Variants in STXBP5L observed in about 807,000 individuals in gnomAD.
The protein encoded by STXBP5L is syntaxin binding protein 5L, also known as syntaxin-binding protein 5-like.
Under a neutral mutation model 144.5 loss-of-function variants are expected in STXBP5L, and 65 were observed. The observed-to-expected ratio is 0.45, with a 90% confidence interval of 0.37 to 0.55. The LOEUF is 0.55. Among genes scored for constraint, STXBP5L ranks in the 20% least tolerant of loss-of-function variants. The pLI, the probability that STXBP5L is intolerant of heterozygous loss-of-function variation, is 0.00. For missense variants in STXBP5L, 1,298 were observed against 1,405.5 expected (o/e 0.92, Z 1.22); for synonymous variants, 505 against 469.6 (o/e 1.08, Z -0.97).
chr3:121,259,199 T>A (rs762728655), intron 18 of STXBP5L, 31 bp downstream of exon 18: 2 of 1,459,434 alleles, frequency 1.4e-6, no homozygotes, highest in Non-Finnish European at 1.8e-6. Context: ...ATGATATGTA[T>A]TATTTAGCTA....
intron 3 of STXBP5L, among the ~76,000 whole-genome samples, chr3:120,959,310 A>G (rs1485393690): frequency 6.6e-6 from 1 of 152,236 alleles, no homozygotes; most frequent in Admixed American, 6.5e-5. Flanking sequence ...CAATGTCTTG[A>G]AACTGGCCAT....
intron 3 of STXBP5L, among the ~76,000 whole-genome samples, chr3:120,998,979 A>C (rs1159369017): frequency 6.6e-6 from 1 of 152,144 alleles, no homozygotes; most frequent in Non-Finnish European, 1.5e-5. Flanking sequence ...TTACTCAAAA[A>C]TCATTGAGGA....
intron 18 of STXBP5L, among the ~76,000 whole-genome samples, chr3:121,266,693 G>A (rs1053088813): frequency 9.2e-5 from 14 of 152,168 alleles, no homozygotes; most frequent in African/African-American, 3.4e-4. Flanking sequence ...AATTGTCTCT[G>A]TTTGCAGATG....
intron 20 of STXBP5L, among the ~76,000 whole-genome samples, chr3:121,378,144 G>A (rs9828736): frequency 0.095 from 14,213 of 149,928 alleles, 956 homozygotes; most frequent in African/African-American, 0.18. Context: ...ACAGGGAGGG[G>A]AACATCACAC....
At position 121,172,349 on chromosome 3, in the gene STXBP5L, T is replaced by A. The variant is rs191163537; in HGVS notation, c.877+14722T>A. ...AATTGACAAATGGGATCTAATTAAA[T>A]AAAAGGGCTTCTGCACATCAAAAGA... On this transcript the variant is annotated intron_variant, in intron 9 of 26. Coordinates refer to ENST00000471454, the MANE Select transcript of STXBP5L (RefSeq NM_001308330.2). Among the ~76,000 whole-genome samples the A allele has an allele frequency of 1.7e-3, 263 of 152,116 alleles. 2 individuals carry two copies. Among genetic ancestry groups the A allele is most frequent in the African/African-American group, 6.2e-3 (259 of 41,504 alleles).
chr3:121,183,791 G>A (rs1369517574), intron 9 of STXBP5L, among the ~76,000 whole-genome samples: 1 of 152,112 alleles, frequency 6.6e-6, no homozygotes, highest in Non-Finnish European at 1.5e-5. Context: ...AGCAGGGGTT[G>A]ACAGACACCT....
At chr3:121,064,748 A>T (rs1195106926) in intron 5 of STXBP5L, among the ~76,000 whole-genome samples, 1 of 152,144 alleles carries the variant, frequency 6.6e-6, no homozygotes, top group Non-Finnish European at 1.5e-5. Context: ...GTCAACTCTT[A>T]TTTTAGACAG....
intron 3 of STXBP5L, among the ~76,000 whole-genome samples, chr3:120,988,191 A>T (rs1942489406): frequency 6.6e-6 from 1 of 150,438 alleles, no homozygotes; most frequent in South Asian, 2.1e-4. Flanking sequence ...TTCTTGAAGT[A>T]GGAACTTAGA....
chr3:121,324,533 T>A, intron 20 of STXBP5L: 1 of 699,138 alleles, frequency 1.4e-6, no homozygotes, highest in South Asian at 1.5e-5. Flanking sequence ...TAGGCTTTTA[T>A]AGGAATGAAA....
At chr3:121,295,174 T>C (rs980385843) in intron 19 of STXBP5L, among the ~76,000 whole-genome samples, 1 of 151,778 alleles carries the variant, frequency 6.6e-6, no homozygotes, top group African/African-American at 2.4e-5. Context: ...AAAAAGAGAT[T>C]GAGGATAAGG....
intron 20 of STXBP5L, among the ~76,000 whole-genome samples, chr3:121,368,063 C>A (rs2045920049): frequency 6.6e-6 from 1 of 151,838 alleles, no homozygotes; most frequent in South Asian, 2.1e-4. Context: ...CAAATATTTT[C>A]TCTGCCCCTT....
chr3:120,909,694 C>G lies in STXBP5L; in HGVS notation c.116C>G (p.Pro39Arg). The change falls in exon 2 of 27, where the codon CCG becomes CGG. Residue 39 changes from proline (P) to arginine (R), a missense_variant. Coordinates refer to ENST00000471454, the MANE Select transcript of STXBP5L (RefSeq NM_001308330.2). ...GGGGCTGGAAGTGGTTCCGTACATC[C>G]GGCGGGGACTGCAGGGGTTCTCAGA... ...GGGAGSGSVH[P>R]AGTAGVLREE... 1 of 1,612,238 alleles carries G rather than the reference C, an allele frequency of 6.2e-7. No individual in the cohort carries two copies. The highest frequency in any genetic ancestry group is 8.5e-7 in the Non-Finnish European group (1 of 1,179,530).
At chr3:121,399,615 T>C (rs2046821163) in intron 22 of STXBP5L, among the ~76,000 whole-genome samples, 2 of 152,216 alleles carry the variant, frequency 1.3e-5, no homozygotes, top group South Asian at 4.1e-4. Context: ...ATTAAAGGAA[T>C]AAGTTGGGCT....
intron 2 of STXBP5L, among the ~76,000 whole-genome samples, chr3:120,951,216 G>A (rs938280999): frequency 6.6e-6 from 1 of 152,090 alleles, no homozygotes; most frequent in Non-Finnish European, 1.5e-5. Context: ...GAAAACCTAG[G>A]CATTACCATT....
intron 20 of STXBP5L, among the ~76,000 whole-genome samples, chr3:121,332,177 G>A (rs1326284668): frequency 1.3e-5 from 2 of 151,298 alleles, no homozygotes; most frequent in Non-Finnish European, 2.9e-5. Context: ...AATAATTTTG[G>A]CAATATGACA....
intron 9 of STXBP5L, among the ~76,000 whole-genome samples, chr3:121,177,215 G>A (rs150559990): frequency 2.0e-5 from 3 of 152,078 alleles, no homozygotes; most frequent in East Asian, 1.9e-4. Context: ...CTGAGCCCAC[G>A]TCATCAACTA....
intron 22 of STXBP5L, among the ~76,000 whole-genome samples, chr3:121,389,545 C>T (rs989577987): frequency 2.6e-5 from 4 of 152,214 alleles, no homozygotes; most frequent in African/African-American, 9.6e-5. Context: ...TCCCTCTACA[C>T]ACTGCTTTAA....
At chr3:121,183,923 G>C (rs1313095234) in intron 9 of STXBP5L, among the ~76,000 whole-genome samples, 2 of 151,994 alleles carry the variant, frequency 1.3e-5, no homozygotes, top group East Asian at 1.9e-4. Flanking sequence ...AGGCAAACAG[G>C]GTCTGGAATG....
chr3:121,359,148 T>C lies in STXBP5L; in HGVS notation c.2177-19568T>C, dbSNP rs144525713. Among the ~76,000 whole-genome samples, 214 of 152,298 alleles carry C rather than the reference T, an allele frequency of 1.4e-3. 1 individual carries two copies. The highest frequency in any genetic ancestry group is 0.012 in the South Asian group (60 of 4,824). ...TGCCTGTCTTTTGGATATAAGCCATTTTAACTTAAGCGAGATGATATCTCA... is the reference window on the plus strand; with the variant it reads ...TGCCTGTCTTTTGGATATAAGCCATCTTAACTTAAGCGAGATGATATCTCA... On this transcript the variant is annotated intron_variant, in intron 20 of 26. Transcript: ENST00000471454.
Sources: gnomAD v4.1 joint callset for allele counts (sites outside exome capture counted in the v4.1 genomes callset) on GRCh38, gnomAD v4.1.1 for gene constraint, MANE v1.5 for transcripts, NCBI Gene and HGNC (gene_info 2026-07-23, HGNC 2026-07-21) for gene names.